Variants in ADAMTS19 observed in about 807,000 individuals in gnomAD.
The protein encoded by ADAMTS19 is A disintegrin and metalloproteinase with thrombospondin motifs 19.
In ADAMTS19, 93 loss-of-function variants were observed where a neutral mutation model predicts 153.3. The ratio of observed to expected loss-of-function variants is 0.61; its 90% CI spans 0.51 to 0.72. ADAMTS19 has a LOEUF of 0.72. Among genes scored for constraint, ADAMTS19 ranks in the 30% least tolerant of loss-of-function variants. The pLI, the probability that ADAMTS19 is intolerant of heterozygous loss-of-function variation, is 0.00. For missense variants in ADAMTS19, 1,482 were observed against 1,552.1 expected (o/e 0.95, Z 0.76); for synonymous variants, 600 against 556.6 (o/e 1.08, Z -1.10).
intron 21 of ADAMTS19, among the ~76,000 whole-genome samples, chr5:129,715,700 ACAGAAAC>A (rs1489010848): frequency 6.6e-6 from 1 of 152,156 alleles, no homozygotes; most frequent in Non-Finnish European, 1.5e-5. Context: ...GTGATATGAG[ACAGAAAC>A]CCCTGGAGAA....
Position 129,470,491 on chromosome 5 carries a change from T to C in ADAMTS19, c.747+8734T>C, listed in dbSNP as rs373197293. On this transcript the variant is annotated intron_variant, in intron 2 of 22. Transcript: ENST00000274487. ...TAGCAAAGTGAGAACCATAATTTGA[T>C]GCAGAGTGCATTTAGGGTGCAGCTA... is the stretch of plus-strand genomic sequence containing the variant. Among the ~76,000 whole-genome samples the C allele has an allele frequency of 2.6e-4, 40 of 152,328 alleles. 1 individual carries two copies. The East Asian group carries it at 7.1e-3, about 27-fold the overall frequency.
At chr5:129,661,959 G>C (rs554456547) in intron 15 of ADAMTS19, among the ~76,000 whole-genome samples, 1 of 152,142 alleles carries the variant, frequency 6.6e-6, no homozygotes, top group South Asian at 2.1e-4. Context: ...GTGAACAGGA[G>C]AAACAGACAG....
At chr5:129,627,714 A>G (rs1752112766) in intron 10 of ADAMTS19, among the ~76,000 whole-genome samples, 1 of 152,068 alleles carries the variant, frequency 6.6e-6, no homozygotes, top group South Asian at 2.1e-4. Context: ...TGATGATTAG[A>G]TAAATACATA....
chr5:129,659,737 T>A (rs958142171), intron 15 of ADAMTS19, among the ~76,000 whole-genome samples: 24 of 152,138 alleles, frequency 1.6e-4, no homozygotes, highest in Admixed American at 1.3e-3. Context: ...TGCACCACCA[T>A]GCCCAGCTAA....
chr5:129,589,440 G>A (rs1330868646), intron 7 of ADAMTS19, among the ~76,000 whole-genome samples: 2 of 151,588 alleles, frequency 1.3e-5, no homozygotes, highest in African/African-American at 2.4e-5. Context: ...AATGTATAAC[G>A]GATATATATG....
chr5:129,647,214 G>GAAAAAAA (rs34958335), intron 11 of ADAMTS19, among the ~76,000 whole-genome samples: 8 of 102,250 alleles, frequency 7.8e-5, no homozygotes, highest in African/African-American at 1.4e-4. Flanking sequence ...AATTCTTTCA[G>GAAAAAAA]AAAAAAAAAA....
chr5:129,504,197 A>C (rs1751196399), intron 2 of ADAMTS19, among the ~76,000 whole-genome samples: 1 of 151,956 alleles, frequency 6.6e-6, no homozygotes, highest in Non-Finnish European at 1.5e-5. Context: ...ATTTGCCCCC[A>C]CTCATAATGC....
intron 6 of ADAMTS19, among the ~76,000 whole-genome samples, chr5:129,546,677 A>G (rs1752872589): frequency 6.6e-6 from 1 of 151,226 alleles, no homozygotes; most frequent in African/African-American, 2.5e-5. Context: ...AATGAAAGCA[A>G]AAGAAAAAAC....
chr5:129,460,360 C>G lies in ADAMTS19; in HGVS notation c.-32C>G, dbSNP rs748216322. 4.4e-6 allele frequency: 7 copies of G among 1,596,708 alleles called. No homozygotes were observed. In the East Asian group the frequency reaches 1.3e-4, roughly 31 times the overall value. On this transcript the variant is annotated 5_prime_UTR_variant, in exon 1 of 23. Coordinates refer to ENST00000274487, the MANE Select transcript of ADAMTS19 (RefSeq NM_133638.6). ...AGTGGATCGCGCTGGAGGCGTGCGC[C>G]GGGCGAGAAGCCGCGGCCGCGGGAG...
intron 8 of ADAMTS19, among the ~76,000 whole-genome samples, chr5:129,608,378 A>G (rs1000331955): frequency 6.6e-6 from 1 of 151,732 alleles, no homozygotes; most frequent in African/African-American, 2.4e-5. Flanking sequence ...AAAGGGTACA[A>G]TCCTTCAGTC....
intron 21 of ADAMTS19, among the ~76,000 whole-genome samples, chr5:129,723,309 A>G (rs571262973): frequency 6.6e-6 from 1 of 152,202 alleles, no homozygotes; most frequent in Non-Finnish European, 1.5e-5. Context: ...TTTTCAGGTA[A>G]AATAAAGTCA....
intron 2 of ADAMTS19, among the ~76,000 whole-genome samples, chr5:129,482,004 ATT>A (rs2126672259): frequency 1.3e-5 from 2 of 152,256 alleles, no homozygotes; most frequent in African/African-American, 4.8e-5. Flanking sequence ...ACCTGCATGC[ATT>A]GCCTTTGCTT....
intron 21 of ADAMTS19, among the ~76,000 whole-genome samples, chr5:129,732,274 A>T (rs528252190): frequency 6.6e-5 from 10 of 152,272 alleles, no homozygotes; most frequent in Admixed American, 5.2e-4. Context: ...CTGGAACAAG[A>T]TAAGGATACC....
rs542793837 is a variant in ADAMTS19 at position 129,586,161 on chromosome 5, A to G, written c.1373-10398A>G. ...TGGTACATTATTTTTACAATTGGTG[A>G]CCTTACATTCACACATTACTATCAC... On this transcript the variant is annotated intron_variant, in intron 7 of 22. Coordinates refer to ENST00000274487, the MANE Select transcript of ADAMTS19 (RefSeq NM_133638.6). Among the ~76,000 whole-genome samples the G allele has an allele frequency of 1.3e-3, 191 of 152,278 alleles. 3 individuals carry two copies. The highest frequency in any genetic ancestry group is 5.0e-3 in the South Asian group (24 of 4,824).
Position 129,617,907 on chromosome 5 carries a change from A to T in ADAMTS19, c.1479-2711A>T, listed in dbSNP as rs570951281. On this transcript the variant is annotated intron_variant, in intron 8 of 22. Coordinates refer to ENST00000274487, the MANE Select transcript of ADAMTS19 (RefSeq NM_133638.6). ...CTGTTTATGTATCTTTTGACAAATT[A>T]GAATCATATAATAAAATTTCTCTGA... Among the ~76,000 whole-genome samples, 43 of 152,210 alleles carry T rather than the reference A, an allele frequency of 2.8e-4. No homozygotes were observed. The South Asian group carries it at 4.8e-3, about 17-fold the overall frequency.
At chr5:129,498,941 C>T (rs2126706093) in intron 2 of ADAMTS19, among the ~76,000 whole-genome samples, 1 of 151,892 alleles carries the variant, frequency 6.6e-6, no homozygotes, top group South Asian at 2.1e-4. Flanking sequence ...TCCATGAAGA[C>T]AGGGGTCATT....
intron 8 of ADAMTS19, among the ~76,000 whole-genome samples, chr5:129,605,458 A>C (rs971364965): frequency 1.3e-5 from 2 of 152,180 alleles, no homozygotes; most frequent in Non-Finnish European, 2.9e-5. Flanking sequence ...GAGCAGCCAC[A>C]TGGCTGTCTC....
At chr5:129,489,061 G>A (rs1489100503) in intron 2 of ADAMTS19, among the ~76,000 whole-genome samples, 1 of 151,988 alleles carries the variant, frequency 6.6e-6, no homozygotes, top group South Asian at 2.1e-4. Flanking sequence ...AGTTTTCTAG[G>A]TGCGTGAACA....
chr5:129,461,622 T>TCCCGGCCCCGGC lies in ADAMTS19; in HGVS notation c.616_627dup (p.Gly206_Pro209dup), dbSNP rs3980042. On this transcript the variant is annotated inframe_insertion, in exon 2 of 23. Coordinates refer to ENST00000274487, the MANE Select transcript of ADAMTS19 (RefSeq NM_133638.6). This position sits in a 1 kb window ranked among gnomAD's most constrained non-coding sequence, Gnocchi z 4.6. ...GCTTCGCAGTGGAACAGCGGCCAAA[T>TCCCGGCCCCGGC]CCCGGCCCCGGCCCCACGGGGGCAG... The TCCCGGCCCCGGC allele has an allele frequency of 6.9e-6, 11 of 1,591,664 alleles. No individual in the cohort carries two copies. The highest frequency in any genetic ancestry group is 4.0e-5 in the African/African-American group (3 of 74,214).
Sources: allele counts gnomAD v4.1 joint callset (sites outside exome capture counted in the v4.1 genomes callset), GRCh38; gene constraint gnomAD v4.1.1; non-coding constraint Gnocchi (gnomAD v3.1); transcripts MANE v1.5; gene names NCBI Gene and HGNC (gene_info 2026-07-23, HGNC 2026-07-21).